The following CDKAL1 variants were observed in gnomAD, a reference collection of about 807,000 sequenced individuals.
The protein encoded by CDKAL1 is CDKAL1 threonylcarbamoyladenosine tRNA methylthiotransferase, also known as threonylcarbamoyladenosine tRNA methylthiotransferase.
CDKAL1 carries 32 observed loss-of-function variants against 68.2 expected under a neutral mutation model. The observed-to-expected ratio is 0.47, with a 90% CI of 0.35 to 0.63. The LOEUF is 0.63. CDKAL1 is among the 30% of genes least tolerant of loss of function. The pLI, the probability that CDKAL1 is intolerant of heterozygous loss-of-function variation, is 0.00. For missense variants in CDKAL1, 606 were observed against 696.7 expected (o/e 0.87, Z 1.47); for synonymous variants, 234 against 244.3 (o/e 0.96, Z 0.39).
At chr6:21,055,350 A>G (rs1232690582) in intron 11 of CDKAL1, among the ~76,000 whole-genome samples, 1 of 151,970 alleles carries the variant, frequency 6.6e-6, no homozygotes, top group African/African-American at 2.4e-5. Flanking sequence ...ATTTTCTTTA[A>G]AAAAAACTTT....
At chr6:21,205,099 G>A (rs937715526) in intron 15 of CDKAL1, among the ~76,000 whole-genome samples, 5 of 152,056 alleles carry the variant, frequency 3.3e-5, no homozygotes, top group Non-Finnish European at 7.4e-5. Flanking sequence ...ATGTCCTCAG[G>A]GTTCATCCAT....
chr6:20,546,480 C>G lies in CDKAL1; in HGVS notation c.130C>G (p.Gln44Glu). The stretch of plus-strand genomic sequence containing the variant: ...CCCGAAGGTACGAAGGCGAAATACC[C>G]AAAAATATTTGCAAGAGGAAGAAAA... ...VVPKVRRRNT[Q>E]KYLQEEENSP... Residue 44 changes from glutamine to glutamate, a missense_variant, in exon 3 of 16, where the codon CAA becomes GAA. By Grantham distance (29) the Gln-to-Glu change is conservative. Transcript: ENST00000274695. 6.2e-7 allele frequency: 1 copy of G among 1,613,956 alleles called. No homozygotes were observed. Among genetic ancestry groups the G allele is most frequent in the Non-Finnish European group, 8.5e-7 (1 of 1,179,958 alleles).
In CDKAL1 at chr6:20,662,210, T is replaced by C. The variant is rs115636296; in HGVS notation, c.371+12833T>C. Among the ~76,000 whole-genome samples, 864 of 152,246 alleles carry C rather than the reference T, an allele frequency of 5.7e-3. 12 individuals carry two copies. The highest frequency in any genetic ancestry group is 0.02 in the African/African-American group (817 of 41,554). On this transcript the variant is annotated intron_variant, in intron 5 of 15. Transcript: ENST00000274695. ...ATAATAAGTGAAATAAAAAAGACTT[T>C]TTAAACCCATAGGACATGTTACCAA...
chr6:21,135,388 T>G (rs1582272147), intron 13 of CDKAL1, among the ~76,000 whole-genome samples: 1 of 152,224 alleles, frequency 6.6e-6, no homozygotes, highest in Non-Finnish European at 1.5e-5. Flanking sequence ...ACTGTCATTT[T>G]TATTGATTAA....
At chr6:20,921,385 C>T (rs1472754537) in intron 9 of CDKAL1, among the ~76,000 whole-genome samples, 1 of 152,098 alleles carries the variant, frequency 6.6e-6, no homozygotes, top group Non-Finnish European at 1.5e-5. Context: ...GCCAAGTGCA[C>T]CACTGCACTC....
At chr6:20,599,376 A>G in intron 4 of CDKAL1, 1 of 454,532 alleles carries the variant, frequency 2.2e-6, no homozygotes, top group South Asian at 1.6e-5. Flanking sequence ...CAGTTATTTC[A>G]GGTTGAGTGT....
At chr6:21,062,376 T>C (rs995911008) in intron 11 of CDKAL1, among the ~76,000 whole-genome samples, 2 of 152,226 alleles carry the variant, frequency 1.3e-5, no homozygotes, top group Admixed American at 6.5e-5. Flanking sequence ...TAAAACTAGC[T>C]AGCTGGAAAG....
chr6:21,203,853 C>T (rs2151111320), intron 15 of CDKAL1, among the ~76,000 whole-genome samples: 1 of 152,176 alleles, frequency 6.6e-6, no homozygotes, highest in African/African-American at 2.4e-5. Context: ...TGCGCCACCA[C>T]ACCCGGCTAA....
At chr6:21,036,045 G>A (rs1395378199) in intron 11 of CDKAL1, among the ~76,000 whole-genome samples, 2 of 152,166 alleles carry the variant, frequency 1.3e-5, no homozygotes, top group East Asian at 3.8e-4. Flanking sequence ...TGTTGGATAT[G>A]TGGTTTGATC....
At chr6:20,827,898 C>T (rs1363514069) in intron 8 of CDKAL1, among the ~76,000 whole-genome samples, 1 of 151,728 alleles carries the variant, frequency 6.6e-6, no homozygotes, top group Admixed American at 6.6e-5. Flanking sequence ...CTTAGAGTAT[C>T]AAAAGAAGTT....
At chr6:20,773,151 TAA>T (rs1173703858) in intron 7 of CDKAL1, 2 of 152,256 alleles carry the variant, frequency 1.3e-5, no homozygotes, top group Admixed American at 1.3e-4. Context: ...CCATTTTGTG[TAA>T]AGTTTTCCAA....
At chr6:20,810,676 T>TA (rs34206478) in intron 8 of CDKAL1, among the ~76,000 whole-genome samples, 38 of 142,720 alleles carry the variant, frequency 2.7e-4, no homozygotes, top group Admixed American at 1.7e-3. Context: ...AATATATTGC[T>TA]AAAAAAAAAA....
intron 8 of CDKAL1, among the ~76,000 whole-genome samples, chr6:20,815,312 G>A (rs1776997858): frequency 6.6e-6 from 1 of 152,082 alleles, no homozygotes; most frequent in South Asian, 2.1e-4. Flanking sequence ...AGTTTATATA[G>A]TACTTGTATG....
At chr6:20,929,035 G>A (rs956090360) in intron 9 of CDKAL1, among the ~76,000 whole-genome samples, 14 of 152,168 alleles carry the variant, frequency 9.2e-5, no homozygotes, top group Non-Finnish European at 1.5e-5. Context: ...ACATCTTCAA[G>A]TGAAAGTACA....
chr6:20,898,384 C>T (rs769673331), intron 9 of CDKAL1, among the ~76,000 whole-genome samples: 1 of 149,228 alleles, frequency 6.7e-6, no homozygotes, highest in Non-Finnish European at 1.5e-5. Flanking sequence ...TAGCCGTCTC[C>T]GGTTGGGATA....
chr6:21,178,360 T>A (rs1404595646), intron 13 of CDKAL1, among the ~76,000 whole-genome samples: 1 of 152,210 alleles, frequency 6.6e-6, no homozygotes, highest in Non-Finnish European at 1.5e-5. Flanking sequence ...GTAAATCCAT[T>A]ACCATTTATA....
At chr6:21,111,595 T>C (rs1774123445) in intron 13 of CDKAL1, among the ~76,000 whole-genome samples, 1 of 152,180 alleles carries the variant, frequency 6.6e-6, no homozygotes. Flanking sequence ...CCCAAAGCCA[T>C]TGTTTAGGTT....
At chr6:21,101,281 G>A (rs1454782973) in intron 12 of CDKAL1, among the ~76,000 whole-genome samples, 2 of 152,142 alleles carry the variant, frequency 1.3e-5, no homozygotes, top group African/African-American at 2.4e-5. Context: ...TTGGCCACAC[G>A]TTGGAAATAC....
intron 9 of CDKAL1, among the ~76,000 whole-genome samples, chr6:20,853,163 C>G (rs1232392211): frequency 2.0e-5 from 3 of 151,964 alleles, no homozygotes; most frequent in Non-Finnish European, 4.4e-5. Context: ...AGGCAGATCA[C>G]TTGAGTTCAG....
Sources: gnomAD v4.1 joint callset for allele counts (sites outside exome capture counted in the v4.1 genomes callset) on GRCh38, gnomAD v4.1.1 for gene constraint, MANE v1.5 for transcripts, NCBI Gene and HGNC (gene_info 2026-07-23, HGNC 2026-07-21) for gene names.